Variants in ZNF142 observed in about 807,000 individuals in gnomAD.
ZNF142 encodes the protein zinc finger protein 142 (clone pHZ-49).
A neutral mutation model predicts 132.1 loss-of-function variants in ZNF142; 96 were observed. That is an observed-to-expected ratio of 0.73 (90% CI 0.62 to 0.86). The LOEUF (loss-of-function observed/expected upper bound fraction) is 0.86. Among genes scored for constraint, ZNF142 ranks in the 40% least tolerant of loss-of-function variants. The probability of loss-of-function intolerance (pLI) is 0.00; values close to 1 mark genes in which losing one functional copy is unlikely to be tolerated. For missense variants in ZNF142, 2,163 were observed against 2,336.2 expected (o/e 0.93, Z 1.53); for synonymous variants, 842 against 890.1 (o/e 0.95, Z 0.96).
At position 218,644,794 on chromosome 2, in the gene ZNF142, G is replaced by A; in HGVS notation, c.2322C>T (p.His774=). ...AGGTGCGGTAGTCACAGAGGGCACAGTGGAACTCACGGAGGCGGGTATGCT... is the reference window on the plus strand; with the variant it reads ...AGGTGCGGTAGTCACAGAGGGCACAATGGAACTCACGGAGGCGGGTATGCT... ...NCKHTRLREF[H]CALCDYRTFS... Residue 774 remains histidine (H), a synonymous_variant, in exon 9 of 11, where the codon CAC becomes CAT. Coordinates refer to ENST00000411696, the MANE Select transcript of ZNF142 (RefSeq NM_001379659.1). This position sits in a 1 kb window ranked among gnomAD's most constrained non-coding sequence, Gnocchi z 4.6. 1.2e-6 allele frequency: 2 copies of A among 1,614,246 alleles called. No individual in the cohort carries two copies. Among genetic ancestry groups the A allele is most frequent in the Non-Finnish European group, 1.7e-6 (2 of 1,180,044 alleles).
Position 218,642,250 on chromosome 2 carries a change from G to T in ZNF142, c.4866C>A (p.Pro1622=). The change falls in exon 9 of 11, where the codon CCC becomes CCA. Residue 1622 remains proline, a synonymous_variant. Coordinates refer to ENST00000411696, the MANE Select transcript of ZNF142 (RefSeq NM_001379659.1). The surrounding 1 kb of genome is among the most constrained non-coding windows in gnomAD (Gnocchi z 4.6). ...ASDGDGDAGQ[P]PLHCPFCDFT... Reference sequence around the variant, plus strand: ...AGTCACAAAAGGGGCAGTGTAGCGGGGGCTGGCCAGCATCCCCATCCCCAT... The same window carrying T: ...AGTCACAAAAGGGGCAGTGTAGCGGTGGCTGGCCAGCATCCCCATCCCCAT... The T allele has an allele frequency of 6.2e-7, 1 of 1,614,164 alleles. No homozygotes were observed. Among genetic ancestry groups the T allele is most frequent in the South Asian group, 1.1e-5 (1 of 91,084 alleles).
intron 4 of ZNF142, among the ~76,000 whole-genome samples, chr2:218,653,651 C>T (rs776058021): frequency 9.9e-5 from 15 of 152,052 alleles, no homozygotes; most frequent in Admixed American, 3.9e-4. Flanking sequence ...CACCCAGCAC[C>T]TTCACACGCA....
At position 218,644,066 on chromosome 2, in the gene ZNF142, G is replaced by A. The variant is rs1158712637; in HGVS notation, c.3050C>T (p.Ala1017Val). 6.8e-6 allele frequency: 11 copies of A among 1,614,098 alleles called. No homozygotes were observed. The highest frequency in any genetic ancestry group is 4.5e-5 in the East Asian group (2 of 44,878). ...CTGCACCCGCCCCTCTAGCACCAAT[G>A]CCTCTGCTTGTTCTTTGTCCTGTCT... is the stretch of plus-strand genomic sequence containing the variant. Reference protein sequence around the residue: ...LRRQDKEQAEALVLEGRVQMV... With the variant: ...LRRQDKEQAEVLVLEGRVQMV... The change falls in exon 9 of 11, where the codon GCA (alanine) becomes GTA (valine). Residue 1017 changes from alanine (A) to valine (V), a missense_variant. This residue lies in a region of ZNF142 where 809 missense variants were observed against 801.7 expected (regional missense o/e 1.01). Transcript: ENST00000411696. This position sits in a 1 kb window ranked among gnomAD's most constrained non-coding sequence, Gnocchi z 4.6.
chr2:218,635,500 G>A lies in ZNF142; in HGVS notation c.*2839C>T, dbSNP rs1033432958. Among the ~76,000 whole-genome samples, 1 of 151,992 alleles carries A rather than the reference G, an allele frequency of 6.6e-6. No homozygotes were observed. The highest frequency in any genetic ancestry group is 1.5e-5 in the Non-Finnish European group (1 of 67,980). On this transcript the variant is annotated 3_prime_UTR_variant, in exon 11 of 11. Transcript: ENST00000411696. ...ACTACAGGCGCCCGCCACCATGCCT[G>A]GCTAATTTTTGTATTTTTAGTAGAG...
rs764595756 is a variant in ZNF142 at position 218,633,847 on chromosome 2, A to G, written c.*4492T>C. Reference sequence around the variant, plus strand: ...ACTGGCAGGTAAGTCCCAAGAAAAAAGACAAGGTAGCTAAGGAGAGATGAA... The same window carrying G: ...ACTGGCAGGTAAGTCCCAAGAAAAAGGACAAGGTAGCTAAGGAGAGATGAA... On this transcript the variant is annotated 3_prime_UTR_variant, in exon 11 of 11. Coordinates refer to ENST00000411696, the MANE Select transcript of ZNF142 (RefSeq NM_001379659.1). The G allele has an allele frequency of 5.4e-6, 8 of 1,489,860 alleles. No individual in the cohort carries two copies. The highest frequency in any genetic ancestry group is 7.4e-6 in the Non-Finnish European group (8 of 1,086,404). The allele number at this position is 1,489,860 out of a possible 1,614,324, so 92.3% of individuals were successfully genotyped here.
intron 10 of ZNF142, among the ~76,000 whole-genome samples, chr2:218,639,420 A>G (rs6736648): frequency 0.056 from 8,585 of 152,284 alleles, 338 homozygotes; most frequent in East Asian, 0.12. Context: ...GACAGTAATG[A>G]ATACTCAAAT....
Position 218,644,419 on chromosome 2 carries a change from G to A in ZNF142, c.2697C>T (p.Ala899=), listed in dbSNP as rs909071131. Reference sequence around the variant, plus strand: ...TCACAGACTCCAGCTCTACTCCCAGGGCCTCTAGGTGTAGTGTGCAGCTGC... The same window carrying A: ...TCACAGACTCCAGCTCTACTCCCAGAGCCTCTAGGTGTAGTGTGCAGCTGC... ...EEGSCTLHLE[A]LGVELESVTE... Residue 899 remains alanine (A), a synonymous_variant, in exon 9 of 11, where the codon GCC becomes GCT. Coordinates refer to ENST00000411696, the MANE Select transcript of ZNF142 (RefSeq NM_001379659.1). The surrounding 1 kb of genome is among the most constrained non-coding windows in gnomAD (Gnocchi z 4.6). 12 of 1,614,036 alleles carry A rather than the reference G, an allele frequency of 7.4e-6. No homozygotes were observed. Among genetic ancestry groups the A allele is most frequent in the Non-Finnish European group, 1.0e-5 (12 of 1,179,994 alleles).
chr2:218,639,785 G>A (rs1267123109), intron 10 of ZNF142, among the ~76,000 whole-genome samples: 3 of 150,568 alleles, frequency 2.0e-5, no homozygotes, highest in Non-Finnish European at 4.4e-5. Flanking sequence ...GCCGAGCATG[G>A]TGGCTCATGC....
chr2:218,643,908 C>G lies in ZNF142; in HGVS notation c.3208G>C (p.Glu1070Gln), dbSNP rs373036267. 11 of 1,614,138 alleles carry G rather than the reference C, an allele frequency of 6.8e-6. No individual in the cohort carries two copies. The Admixed American group carries it at 1.7e-4, about 24-fold the overall frequency. ...QGRREPLLCPECGASFKQQRG... is the reference protein window; with the variant it reads ...QGRREPLLCPQCGASFKQQRG... Reference sequence around the variant, plus strand: ...TGTTGCTTGAAGCTAGCCCCACACTCGGGGCACAGCAGGGGCTCTCGGCGG... The same window carrying G: ...TGTTGCTTGAAGCTAGCCCCACACTGGGGGCACAGCAGGGGCTCTCGGCGG... The change falls in exon 9 of 11, where the codon GAG (glutamate) becomes CAG (glutamine). Residue 1070 changes from glutamate to glutamine, a missense_variant. Around this residue, in one of 7 missense-constraint regions of ZNF142, gnomAD observed 809 missense variants for 801.7 expected, o/e 1.01. Transcript: ENST00000411696.
In ZNF142 at chr2:218,642,191, T is replaced by C; in HGVS notation, c.4925A>G (p.His1642Arg). 1.9e-6 allele frequency: 3 copies of C among 1,614,144 alleles called. No homozygotes were observed. The highest frequency in any genetic ancestry group is 1.3e-5 in the African/African-American group (1 of 75,042). ...TCRHQLVLDH[H>R]VKGHGGTRLY... ...ACGAGTGCCCCCATGCCCTTTCACA[T>C]GGTGATCTAGTACCAGCTGATGGCG... Residue 1642 changes from histidine to arginine, a missense_variant, in exon 9 of 11, where the codon CAT becomes CGT. By Grantham distance (29) the His-to-Arg change is conservative. Around this residue, in one of 7 missense-constraint regions of ZNF142, gnomAD observed 325 missense variants for 367.8 expected, o/e 0.88. Transcript: ENST00000411696. This position sits in a 1 kb window ranked among gnomAD's most constrained non-coding sequence, Gnocchi z 4.6.
rs777301555 is a variant in ZNF142 at position 218,642,151 on chromosome 2, G to A, written c.4965C>T (p.Thr1655=). The stretch of plus-strand genomic sequence containing the variant: ...GGTTCTTGGTGCTGTAAGCACAATC[G>A]GTGCACTTGTAGAGACGAGTGCCCC... The part of the protein sequence containing the change: ...GHGGTRLYKC[T]DCAYSTKNRQ... Residue 1655 remains threonine, a synonymous_variant, in exon 9 of 11, where the codon ACC becomes ACT. Transcript: ENST00000411696. The surrounding 1 kb of genome is among the most constrained non-coding windows in gnomAD (Gnocchi z 4.6). 27 of 1,614,150 alleles carry A rather than the reference G, an allele frequency of 1.7e-5. No homozygotes were observed. The highest frequency in any genetic ancestry group is 1.2e-4 in the Admixed American group (7 of 60,026).
At chr2:218,648,408 A>C (rs576779562) in intron 7 of ZNF142, among the ~76,000 whole-genome samples, 1 of 152,380 alleles carries the variant, frequency 6.6e-6, no homozygotes, top group African/African-American at 2.4e-5. Flanking sequence ...ACAGCACCAC[A>C]GTGGTTAGAG....
chr2:218,634,344 T>G lies in ZNF142; in HGVS notation c.*3995A>C. ...TTGCTAGGCTGAGAAATGCTATCAG[T>G]GGATATTACCAGCAGGTACCGTGCA... On this transcript the variant is annotated 3_prime_UTR_variant, in exon 11 of 11. Coordinates refer to ENST00000411696, the MANE Select transcript of ZNF142 (RefSeq NM_001379659.1). This position sits in a 1 kb window ranked among gnomAD's most constrained non-coding sequence, Gnocchi z 4.0. 1 of 1,573,422 alleles carries G rather than the reference T, an allele frequency of 6.4e-7. No individual in the cohort carries two copies. The highest frequency in any genetic ancestry group is 8.6e-7 in the Non-Finnish European group (1 of 1,157,252).
rs753170612 is a variant in ZNF142 at position 218,649,352 on chromosome 2, A to G, written c.1156T>C (p.Phe386Leu). Residue 386 changes from phenylalanine (F) to leucine (L), a missense_variant, in exon 7 of 11, where the codon TTC (phenylalanine) becomes CTC (leucine). By Grantham distance (22) the Phe-to-Leu change is conservative (BLOSUM62 0). This residue lies in a region of ZNF142 where 749 missense variants were observed against 830.3 expected (regional missense o/e 0.90). Coordinates refer to ENST00000411696, the MANE Select transcript of ZNF142 (RefSeq NM_001379659.1). ...GGGCACTGGAGGCTGGGGTCTGGGA[A>G]GTGGAGATGCAGGTGCTCCACCAGA... is the stretch of plus-strand genomic sequence containing the variant. ...THLVEHLHLH[F>L]PDPSLQCPNC... 1.1e-5 allele frequency: 17 copies of G among 1,614,088 alleles called. No individual in the cohort carries two copies. Among genetic ancestry groups the G allele is most frequent in the South Asian group, 2.2e-5 (2 of 91,086 alleles).
In ZNF142 at chr2:218,649,379, G is replaced by A. The variant is rs1378870500; in HGVS notation, c.1129C>T (p.His377Tyr). The A allele has an allele frequency of 3.7e-6, 6 of 1,613,974 alleles. No homozygotes were observed. The highest frequency in any genetic ancestry group is 5.1e-6 in the Non-Finnish European group (6 of 1,179,978). ...TGGAGATGCAGGTGCTCCACCAGAT[G>A]AGTCCGCTTCTTAAAGCAGCGCTTA... ...ECKRCFKKRT[H>Y]LVEHLHLHFP... The change falls in exon 7 of 11, where the codon CAT (histidine) becomes TAT (tyrosine). Residue 377 changes from histidine to tyrosine, a missense_variant. His to Tyr is a moderately conservative substitution (Grantham distance 83). Around this residue, in one of 7 missense-constraint regions of ZNF142, gnomAD observed 749 missense variants for 830.3 expected, o/e 0.90. Coordinates refer to ENST00000411696, the MANE Select transcript of ZNF142 (RefSeq NM_001379659.1).
At position 218,633,715 on chromosome 2, in the gene ZNF142, A is replaced by G. The variant is rs1696529868; in HGVS notation, c.*4624T>C. The G allele has an allele frequency of 6.2e-7, 1 of 1,613,852 alleles. No homozygotes were observed. Among genetic ancestry groups the G allele is most frequent in the South Asian group, 1.1e-5 (1 of 91,084 alleles). On this transcript the variant is annotated 3_prime_UTR_variant, in exon 11 of 11. Coordinates refer to ENST00000411696, the MANE Select transcript of ZNF142 (RefSeq NM_001379659.1). ...AGGAGCACTACCACTTCTACGAGAT[A>G]TCATCTTTCTCTGAAACCAAGGCCA...
At chr2:218,638,860 T>C (rs756561718) in intron 10 of ZNF142, 52 bp from the exon 11 acceptor site, 7 of 1,438,934 alleles carry the variant, frequency 4.9e-6, no homozygotes, top group African/African-American at 1.4e-5. Flanking sequence ...CAAGGTTTAC[T>C]GGGCCATGGA....
At position 218,633,545 on chromosome 2, in the gene ZNF142, ATCT is replaced by A. The variant is rs762244601; in HGVS notation, c.*4791_*4793del. ...CAGAGGTTTAGGTTGGATGGCCATT[ATCT>A]TCTTCTCTCTCAGACTGCTGAGGGT... On this transcript the variant is annotated 3_prime_UTR_variant, in exon 11 of 11. Coordinates refer to ENST00000411696, the MANE Select transcript of ZNF142 (RefSeq NM_001379659.1). The A allele has an allele frequency of 1.0e-3, 1,643 of 1,566,788 alleles. 3 individuals are homozygous for A. Among genetic ancestry groups the A allele is most frequent in the Middle Eastern group, 3.3e-3 (20 of 5,974 alleles).
At position 218,634,774 on chromosome 2, in the gene ZNF142, CT is replaced by C; in HGVS notation, c.*3564del. Reference sequence around the variant, plus strand: ...TTAGCTTTTGGAGCCAGCTGCCTAGCTTCAAACCACAACTTCCTAATTGGGT... The same window carrying C: ...TTAGCTTTTGGAGCCAGCTGCCTAGCTCAAACCACAACTTCCTAATTGGGT... On this transcript the variant is annotated 3_prime_UTR_variant, in exon 11 of 11. Transcript: ENST00000411696. This position sits in a 1 kb window ranked among gnomAD's most constrained non-coding sequence, Gnocchi z 4.0. 2 of 996,030 alleles carry C rather than the reference CT, an allele frequency of 2.0e-6. No homozygotes were observed. Among genetic ancestry groups the C allele is most frequent in the Non-Finnish European group, 1.5e-6 (1 of 674,110 alleles). 61.7% of individuals were successfully genotyped at this position (996,030 alleles called of 1,614,324 possible).
Sources: gnomAD v4.1 joint callset for allele counts (sites outside exome capture counted in the v4.1 genomes callset) on GRCh38, gnomAD v4.1.1 for gene constraint, gnomAD v4.1.1 regional missense constraint, Gnocchi (gnomAD v3.1) non-coding constraint, MANE v1.5 for transcripts, NCBI Gene and HGNC (gene_info 2026-07-23, HGNC 2026-07-21) for gene names.